IPO9: variants seen among roughly 807,000 people sequenced by gnomAD.
IPO9 encodes importin 9, also known as importin-9.
IPO9 carries 28 observed loss-of-function variants against 128.6 expected under a neutral mutation model. That is an observed-to-expected ratio of 0.22 (90% confidence interval 0.16 to 0.30). The LOEUF (loss-of-function observed/expected upper bound fraction) is 0.30. Among genes scored for constraint, IPO9 ranks in the 10% least tolerant of loss-of-function variants. The pLI is 1.00. For synonymous variants in IPO9, 455 were observed against 475.8 expected (o/e 0.96, Z 0.57); for missense variants, 935 against 1,293.9 (o/e 0.72, Z 4.26).
chr1:201,859,180 A>AATATATATATATATATATATATATAT (rs148348918), intron 13 of IPO9, among the ~76,000 whole-genome samples, 186 bp downstream of exon 13: 1 of 83,450 alleles, frequency 1.2e-5, no homozygotes, highest in African/African-American at 4.0e-5. Flanking sequence ...CTCAAAGTAT[A>AATATATATATATATATATATATATAT]ATATATATAT....
intron 19 of IPO9, among the ~76,000 whole-genome samples, chr1:201,871,888 C>T (rs1680660142): frequency 6.6e-6 from 1 of 152,186 alleles, no homozygotes; most frequent in African/African-American, 2.4e-5. Context: ...GATCCCTTCT[C>T]TACCACAGAC....
intron 1 of IPO9, among the ~76,000 whole-genome samples, chr1:201,839,583 A>G (rs1272227595): frequency 2.7e-5 from 4 of 150,916 alleles, no homozygotes; most frequent in African/African-American, 9.7e-5. Context: ...AAAAAAAAAA[A>G]AGTGCTGCTA....
At chr1:201,861,836 A>G (rs1316357581) in intron 13 of IPO9, among the ~76,000 whole-genome samples, 1 of 152,258 alleles carries the variant, frequency 6.6e-6, no homozygotes, top group Non-Finnish European at 1.5e-5. Context: ...ACATGTAAGA[A>G]CACTAAAGAC....
intron 1 of IPO9, among the ~76,000 whole-genome samples, chr1:201,837,428 A>G (rs990163172): frequency 6.6e-6 from 1 of 152,170 alleles, no homozygotes; most frequent in African/African-American, 2.4e-5. Context: ...TTCATGCTCT[A>G]ATGACTCCTG....
intron 19 of IPO9, 93 bp from the exon 20 acceptor site, chr1:201,872,735 C>G: frequency 7.2e-7 from 1 of 1,390,526 alleles, no homozygotes; most frequent in Middle Eastern, 1.9e-4. Flanking sequence ...TTTTCACTAT[C>G]AAATAGAGGG....
chr1:201,847,190 T>C (rs1680137547), intron 1 of IPO9, 89 bp from the exon 2 acceptor site: 1 of 902,134 alleles, frequency 1.1e-6, no homozygotes, highest in Non-Finnish European at 1.8e-6. Context: ...AGTTTCTTTC[T>C]GGAATCTTGT....
intron 1 of IPO9, among the ~76,000 whole-genome samples, chr1:201,841,052 A>C (rs1470642100): frequency 1.3e-5 from 2 of 152,214 alleles, no homozygotes; most frequent in Admixed American, 1.3e-4. Flanking sequence ...ACCAAAAATA[A>C]ATAAATAATT....
intron 4 of IPO9, among the ~76,000 whole-genome samples, chr1:201,851,222 G>A (rs1440571184): frequency 7.1e-6 from 1 of 140,758 alleles, no homozygotes; most frequent in Admixed American, 7.4e-5. Flanking sequence ...ATCTTGCTAT[G>A]TTCAAGCTGG....
At chr1:201,848,844 T>G (rs1023069255) in intron 4 of IPO9, among the ~76,000 whole-genome samples, 2 of 152,186 alleles carry the variant, frequency 1.3e-5, no homozygotes, top group Non-Finnish European at 2.9e-5. Context: ...TGATGGAGTA[T>G]TCAGATTTTG....
chr1:201,840,124 C>G (rs1218321340), intron 1 of IPO9, among the ~76,000 whole-genome samples: 2 of 152,186 alleles, frequency 1.3e-5, no homozygotes, highest in Non-Finnish European at 2.9e-5. Flanking sequence ...GCGTGTCACT[C>G]TGTCGCCCAG....
chr1:201,859,038 TG>T, intron 13 of IPO9, 44 bp downstream of exon 13: 1 of 1,577,326 alleles, frequency 6.3e-7, no homozygotes, highest in Non-Finnish European at 8.7e-7. Flanking sequence ...TCTTTAAACC[TG>T]TTGTGGGGTT....
At chr1:201,857,863 G>T (rs1273786428) in intron 11 of IPO9, among the ~76,000 whole-genome samples, 3 of 150,544 alleles carry the variant, frequency 2.0e-5, no homozygotes, top group African/African-American at 7.3e-5. Context: ...ACAGACAAAA[G>T]GTTGGCAAAC....
intron 1 of IPO9, among the ~76,000 whole-genome samples, chr1:201,841,486 A>G (rs1382889163): frequency 1.3e-5 from 2 of 152,208 alleles, no homozygotes; most frequent in Non-Finnish European, 2.9e-5. Context: ...ATGGATGGCT[A>G]TATGGTTAGG....
rs746666297 is a variant in IPO9 at position 201,874,251 on chromosome 1, C to T, written c.2712C>T (p.Asn904=). ...GIRTRSKSAK[N]PERWTNIPLL... is the part of the protein sequence containing the mutation. Reference sequence around the variant, plus strand: ...TGAAACCTTTTTCTTCCTTCCCAGACCCAGAACGCTGGACAAACATTCCTT... The same window carrying T: ...TGAAACCTTTTTCTTCCTTCCCAGATCCAGAACGCTGGACAAACATTCCTT... The change falls in exon 21 of 24, where the codon AAC becomes AAT. Residue 904 remains asparagine (N), a splice_region_variant and synonymous_variant. Coordinates refer to ENST00000361565, the MANE Select transcript of IPO9 (RefSeq NM_018085.5). 3 of 1,613,648 alleles carry T rather than the reference C, an allele frequency of 1.9e-6. No homozygotes were observed.
chr1:201,852,747 A>AT lies in IPO9; in HGVS notation c.604-258dup, dbSNP rs547666961. ...GATTTTAAGCACTACCTAGTCTGGT[A>AT]TTTTTTAATCAAATGAACCCACAGA... On this transcript the variant is annotated intron_variant, in intron 5 of 23. Coordinates refer to ENST00000361565, the MANE Select transcript of IPO9 (RefSeq NM_018085.5). 2.6e-5 allele frequency among the ~76,000 whole-genome samples: 4 copies of AT among 152,274 alleles called. No individual in the cohort carries two copies. The East Asian group carries it at 7.7e-4, about 29-fold the overall frequency.
chr1:201,845,965 A>G (rs1309049991), intron 1 of IPO9, among the ~76,000 whole-genome samples: 1 of 152,206 alleles, frequency 6.6e-6, no homozygotes, highest in Middle Eastern at 3.2e-3. Context: ...ATTTGGAGCC[A>G]GGCACAGTGG....
Position 201,873,750 on chromosome 1 carries a change from GA to G in IPO9, c.2711-490del, listed in dbSNP as rs1012474508. ...CAATAAGAGCAAAACTCTGTCTGAA[GA>G]AAAAAAAAAGACAAAAATAGTCTCA... On this transcript the variant is annotated intron_variant, in intron 20 of 23. Coordinates refer to ENST00000361565, the MANE Select transcript of IPO9 (RefSeq NM_018085.5). 1.1e-4 allele frequency among the ~76,000 whole-genome samples: 16 copies of G among 147,972 alleles called. No homozygotes were observed. In the South Asian group the frequency reaches 1.5e-3, roughly 14 times the overall value.
rs1215443908 is a variant in IPO9, at chr1:201,870,665, G to T, written c.2216G>T (p.Gly739Val). Residue 739 changes from glycine to valine, a missense_variant, in exon 18 of 24, where the codon GGA (glycine) becomes GTA (valine). Coordinates refer to ENST00000361565, the MANE Select transcript of IPO9 (RefSeq NM_018085.5). The surrounding 1 kb of genome is among the most constrained non-coding windows in gnomAD (Gnocchi z 4.9). ...TGGCATGATGAGCAGGGCCACAATG[G>T]ACTGTGGTATGTGATGCAAGTGGTG... is the stretch of plus-strand genomic sequence containing the variant. ...AQWHDEQGHN[G>V]LWYVMQVVSQ... 1 of 1,614,232 alleles carries T rather than the reference G, an allele frequency of 6.2e-7. No individual in the cohort carries two copies. The highest frequency in any genetic ancestry group is 8.5e-7 in the Non-Finnish European group (1 of 1,180,042).
In IPO9 at chr1:201,870,533, GGC is replaced by G; in HGVS notation, c.2134-49_2134-48del. On this transcript the variant is annotated intron_variant, in intron 17 of 23. Coordinates refer to ENST00000361565, the MANE Select transcript of IPO9 (RefSeq NM_018085.5). This position sits in a 1 kb window ranked among gnomAD's most constrained non-coding sequence, Gnocchi z 4.9. ...TGTTTATACAGACTGAGGGCCTTCT[GGC>G]ATCTGTCCCTCGATTACTAATCTTG... 6.3e-7 allele frequency: 1 copy of G among 1,579,586 alleles called. No individual in the cohort carries two copies. The highest frequency in any genetic ancestry group is 1.2e-5 in the South Asian group (1 of 86,250).
Sources: gnomAD v4.1 joint callset for allele counts (sites outside exome capture counted in the v4.1 genomes callset) on GRCh38, gnomAD v4.1.1 for gene constraint, Gnocchi (gnomAD v3.1) non-coding constraint, MANE v1.5 for transcripts, NCBI Gene and HGNC (gene_info 2026-07-23, HGNC 2026-07-21) for gene names.